The following TENM2 variants were observed in gnomAD, a reference collection of about 807,000 sequenced individuals.
TENM2 encodes the protein teneurin-2.
A neutral mutation model predicts 245.2 loss-of-function variants in TENM2; 52 were observed. That is an observed-to-expected ratio of 0.21 (90% CI 0.17 to 0.27). The LOEUF is 0.27. TENM2 is among the 10% of genes least tolerant of loss of function. The pLI is 1.00. For synonymous variants in TENM2, 1,363 were observed against 1,438.9 expected (o/e 0.95, Z 1.19); for missense variants, 3,046 against 3,666.8 (o/e 0.83, Z 4.37).
At chr5:167,040,943 G>T in the TENM2 span, among the ~76,000 whole-genome samples, 5 of 152,136 alleles carry the variant, frequency 3.3e-5, no homozygotes, top group African/African-American at 1.2e-4. Context: ...GCTGTTAATA[G>T]CTGTGAAGAG....
intron 2 of TENM2, among the ~76,000 whole-genome samples, chr5:167,383,886 G>T (rs1260830088): frequency 3.3e-5 from 5 of 152,064 alleles, no homozygotes; most frequent in African/African-American, 1.2e-4. Context: ...ATATGAACAG[G>T]TTACATAAAT....
intron 2 of TENM2, among the ~76,000 whole-genome samples, chr5:167,843,875 A>T (rs1769783847): frequency 6.6e-6 from 1 of 152,136 alleles, no homozygotes; most frequent in Non-Finnish European, 1.5e-5. Context: ...TGAAATTGCT[A>T]CTTTGTGTTA....
At chr5:167,152,064 A>T in the TENM2 span, among the ~76,000 whole-genome samples, 1 of 152,222 alleles carries the variant, frequency 6.6e-6, no homozygotes, top group Non-Finnish European at 1.5e-5. Flanking sequence ...GCTCTTGTAT[A>T]CAAAATTTGC....
At chr5:168,100,957 G>A (rs1032705361) in intron 9 of TENM2, among the ~76,000 whole-genome samples, 2 of 149,214 alleles carry the variant, frequency 1.3e-5, no homozygotes, top group Admixed American at 1.3e-4. Context: ...GATGCTGCCC[G>A]ACAGCTCTCA....
At chr5:167,124,750 C>T in the TENM2 span, among the ~76,000 whole-genome samples, 1 of 152,078 alleles carries the variant, frequency 6.6e-6, no homozygotes, top group Non-Finnish European at 1.5e-5. Flanking sequence ...TCATCAATGT[C>T]AGGAGCCTCA....
At chr5:167,376,714 T>C (rs78068123) in intron 2 of TENM2, among the ~76,000 whole-genome samples, 4,854 of 152,306 alleles carry the variant, frequency 0.032, 280 homozygotes, top group East Asian at 0.22. Flanking sequence ...AGGAAAAATC[T>C]GTACTTGACT....
intron 2 of TENM2, among the ~76,000 whole-genome samples, chr5:167,647,256 A>G (rs1780024165): frequency 6.6e-6 from 1 of 152,178 alleles, no homozygotes; most frequent in Non-Finnish European, 1.5e-5. Context: ...CGGTGGGGTT[A>G]AAGATCCAAG....
At chr5:167,130,207 G>T in the TENM2 span, among the ~76,000 whole-genome samples, 1 of 152,124 alleles carries the variant, frequency 6.6e-6, no homozygotes, top group Non-Finnish European at 1.5e-5. Flanking sequence ...ACTATGTAAA[G>T]AATAATACAA....
chr5:168,187,951 A>G (rs1488265379), intron 13 of TENM2, among the ~76,000 whole-genome samples: 1 of 152,178 alleles, frequency 6.6e-6, no homozygotes, highest in East Asian at 1.9e-4. Context: ...CTGTGTCTGC[A>G]TTTCTAGGAA....
chr5:167,598,549 T>C (rs1456947887), intron 2 of TENM2, among the ~76,000 whole-genome samples: 1 of 152,226 alleles, frequency 6.6e-6, no homozygotes, highest in Non-Finnish European at 1.5e-5. Context: ...AGAAGAAGGG[T>C]ATTACTGTGC....
chr5:168,131,108 G>C (rs1474683427), intron 12 of TENM2, among the ~76,000 whole-genome samples: 1 of 152,158 alleles, frequency 6.6e-6, no homozygotes, highest in Non-Finnish European at 1.5e-5. Flanking sequence ...CATTTGCATT[G>C]CCGGGGAATC....
At chr5:167,990,171 G>A (rs1245510542) in intron 4 of TENM2, among the ~76,000 whole-genome samples, 6 of 152,136 alleles carry the variant, frequency 3.9e-5, no homozygotes, top group African/African-American at 4.8e-5. Context: ...ATCAAATTCC[G>A]AGGTTTCTCT....
Position 167,549,277 on chromosome 5 carries a change from G to A in TENM2, c.502+173804G>A, listed in dbSNP as rs114373661. Among the ~76,000 whole-genome samples, 331 of 152,136 alleles carry A rather than the reference G, an allele frequency of 2.2e-3. 3 individuals carry two copies. Among genetic ancestry groups the A allele is most frequent in the Admixed American group, 6.0e-3 (92 of 15,254 alleles). On this transcript the variant is annotated intron_variant, in intron 2 of 28. Transcript: ENST00000518659. ...CTTTTTTTCCCTCTTGGTCACTCCT[G>A]TACTGTATCTAGTACACTTGAACTT...
intron 10 of TENM2, among the ~76,000 whole-genome samples, chr5:168,122,498 C>T (rs1012732742): frequency 3.3e-5 from 5 of 152,100 alleles, no homozygotes; most frequent in Non-Finnish European, 5.9e-5. Context: ...TCTATGTGTT[C>T]GATGCTTTCA....
At chr5:167,728,463 T>A (rs1760183404) in intron 2 of TENM2, among the ~76,000 whole-genome samples, 1 of 149,722 alleles carries the variant, frequency 6.7e-6, no homozygotes, top group East Asian at 2.1e-4. Flanking sequence ...ATAAAAAAAA[T>A]TAACGGCATG....
intron 4 of TENM2, among the ~76,000 whole-genome samples, chr5:167,955,764 G>A (rs908314483): frequency 1.6e-4 from 24 of 152,168 alleles, no homozygotes; most frequent in African/African-American, 5.8e-4. Context: ...GTTTGTCAAA[G>A]ATCAGATGGT....
chr5:167,880,338 T>C (rs1773778220), intron 3 of TENM2, among the ~76,000 whole-genome samples: 1 of 152,060 alleles, frequency 6.6e-6, no homozygotes, highest in African/African-American at 2.4e-5. Flanking sequence ...TGGCCAACAG[T>C]TGTTAAAAAA....
intron 4 of TENM2, among the ~76,000 whole-genome samples, chr5:167,985,648 G>A (rs1022136187): frequency 6.6e-6 from 1 of 152,144 alleles, no homozygotes; most frequent in Non-Finnish European, 1.5e-5. Flanking sequence ...TGGAGTTGAG[G>A]CAGCACAATT....
At chr5:167,680,612 T>TG (rs1433414108) in intron 2 of TENM2, among the ~76,000 whole-genome samples, 1 of 152,092 alleles carries the variant, frequency 6.6e-6, no homozygotes, top group African/African-American at 2.4e-5. Flanking sequence ...AGACAGGACC[T>TG]AGTTGAGAAG....
Sources: allele counts gnomAD v4.1 joint callset (sites outside exome capture counted in the v4.1 genomes callset), GRCh38; gene constraint gnomAD v4.1.1; transcripts MANE v1.5; gene names NCBI Gene and HGNC (gene_info 2026-07-23, HGNC 2026-07-21).